The following CLCN1 variants were observed in gnomAD, a reference collection of about 807,000 sequenced individuals.
CLCN1 encodes chloride voltage-gated channel 1, also known as chloride channel protein 1.
Under a neutral mutation model 114.5 loss-of-function variants are expected in CLCN1, and 100 were observed. That is an observed-to-expected ratio of 0.87 (90% confidence interval 0.74 to 1.03). The LOEUF is 1.03. Among genes scored for constraint, CLCN1 ranks in the 50% least tolerant of loss-of-function variants. The pLI, the probability that CLCN1 is intolerant of heterozygous loss-of-function variation, is 0.00. For missense variants in CLCN1, 1,188 were observed against 1,250.0 expected (o/e 0.95, Z 0.75); for synonymous variants, 485 against 487.1 (o/e 1.00, Z 0.06).
Position 143,347,639 on chromosome 7 carries a change from A to C in CLCN1, c.2403+690A>C, listed in dbSNP as rs1476458740. Among the ~76,000 whole-genome samples the C allele has an allele frequency of 5.0e-5, 7 of 139,098 alleles. 1 individual carries two copies. Among genetic ancestry groups the C allele is most frequent in the African/African-American group, 1.6e-4 (6 of 37,466 alleles). The allele number at this position is 139,098 out of a possible 152,430, so 91.3% of individuals were successfully genotyped here. On this transcript the variant is annotated intron_variant, in intron 20 of 22. Coordinates refer to ENST00000343257, the MANE Select transcript of CLCN1 (RefSeq NM_000083.3). ...TTGCCTCAAAAAAAAAAAAAAAAAAAAAAACTAAAATGGAGAAATCTGCTC... is the reference window on the plus strand; with the variant it reads ...TTGCCTCAAAAAAAAAAAAAAAAAACAAAACTAAAATGGAGAAATCTGCTC...
In CLCN1 at chr7:143,324,421, A is replaced by G. The variant is rs200621976; in HGVS notation, c.782A>G (p.Tyr261Cys). 1.2e-6 allele frequency: 2 copies of G among 1,611,758 alleles called. No individual in the cohort carries two copies. The highest frequency in any genetic ancestry group is 4.5e-5 in the East Asian group (2 of 44,842). The change falls in exon 7 of 23, where the codon TAC becomes TGC. Residue 261 changes from tyrosine (Y) to cysteine (C), a missense_variant. By Grantham distance (194) the Tyr-to-Cys change is radical (BLOSUM62 -2). Coordinates refer to ENST00000343257, the MANE Select transcript of CLCN1 (RefSeq NM_000083.3). This position sits in a 1 kb window ranked among gnomAD's most constrained non-coding sequence, Gnocchi z 4.6. ...CTGTCTCTCCCCTAGTAGCAGCCAT[A>G]CTACTACTCTGATATCCTGACGGTG... ...SVFCGVYEQP[Y>C]YYSDILTVGC...
intron 20 of CLCN1, among the ~76,000 whole-genome samples, chr7:143,349,485 G>A (rs939315395): frequency 9.2e-4 from 140 of 152,352 alleles, no homozygotes; most frequent in African/African-American, 3.2e-3. Context: ...ACTGAAAAGA[G>A]ATTTTAGAAA....
intron 7 of CLCN1, among the ~76,000 whole-genome samples, chr7:143,329,498 C>A (rs893761494): frequency 2.0e-5 from 3 of 152,150 alleles, no homozygotes; most frequent in South Asian, 2.1e-4. Context: ...ACCATTAGGC[C>A]ACCCTCCCCC....
chr7:143,341,981 T>C lies in CLCN1; in HGVS notation c.1635T>C (p.Ile545=). Residue 545 remains isoleucine (I), a synonymous_variant, in exon 15 of 23, where the codon ATT becomes ATC. Coordinates refer to ENST00000343257, the MANE Select transcript of CLCN1 (RefSeq NM_000083.3). ...CCCACACAGTCTCCACAGCTGTGATTTGCTTCGAATTAACGGGTCAGATTG... is the reference window on the plus strand; with the variant it reads ...CCCACACAGTCTCCACAGCTGTGATCTGCTTCGAATTAACGGGTCAGATTG... ...AVSHTVSTAV[I]CFELTGQIAH... is the part of the protein sequence containing the mutation. The C allele has an allele frequency of 6.2e-7, 1 of 1,614,212 alleles. No homozygotes were observed. The highest frequency in any genetic ancestry group is 1.1e-5 in the South Asian group (1 of 91,088).
At position 143,333,053 on chromosome 7, in the gene CLCN1, C is replaced by A. The variant is rs2016450; in HGVS notation, c.1401+180C>A. Among the ~76,000 whole-genome samples the A allele has an allele frequency of 0.29, 43,614 of 151,990 alleles. 7,524 individuals carry two copies. The highest frequency in any genetic ancestry group is 0.5 in the African/African-American group (20,598 of 41,414). ...GTGGCTCACACCTGTAATCCCACCACTTTGGCAGGCTGAGGCAGGTGGATC... is the reference window on the plus strand; with the variant it reads ...GTGGCTCACACCTGTAATCCCACCAATTTGGCAGGCTGAGGCAGGTGGATC... On this transcript the variant is annotated intron_variant, in intron 12 of 22. Transcript: ENST00000343257.
At chr7:143,318,654 G>A (rs1802350818) in intron 1 of CLCN1, among the ~76,000 whole-genome samples, 1 of 152,170 alleles carries the variant, frequency 6.6e-6, no homozygotes, top group Admixed American at 6.5e-5. Context: ...CCCTTTAAGT[G>A]TTTTCCCAGC....
intron 16 of CLCN1, among the ~76,000 whole-genome samples, chr7:143,342,857 C>T (rs1027613572): frequency 7.3e-5 from 11 of 151,632 alleles, no homozygotes; most frequent in Admixed American, 5.9e-4. Context: ...AATTAGAACC[C>T]GGGAGACGGA....
intron 1 of CLCN1, among the ~76,000 whole-genome samples, chr7:143,316,693 G>T (rs556467151): frequency 6.6e-6 from 1 of 152,298 alleles, no homozygotes; most frequent in African/African-American, 2.4e-5. Flanking sequence ...CATAACCTAC[G>T]TGGAGTGGAT....
rs934916835 is a variant in CLCN1 at position 143,346,321 on chromosome 7, T to G, written c.2284+70T>G. The G allele has an allele frequency of 2.9e-6, 3 of 1,046,838 alleles. No individual in the cohort carries two copies. The South Asian group carries it at 3.8e-5, about 13-fold the overall frequency. 64.8% of individuals were successfully genotyped at this position (1,046,838 alleles called of 1,614,324 possible). ...CTCTCTGGTCACTAGGACCTGACCT[T>G]GACCTGCATGCAATTCCTATGCGGG... On this transcript the variant is annotated intron_variant, in intron 18 of 22. Transcript: ENST00000343257.
In CLCN1 at chr7:143,351,912, G is replaced by A; in HGVS notation, c.2914G>A (p.Gly972Ser). ...AGAGGAGCTGGCCGACATCTTGCAG[G>A]GCCCCAGCCTGCGATCCACAGACGA... ...LEEELADILQ[G>S]PSLRSTDEED... Residue 972 changes from glycine to serine, a missense_variant, in exon 23 of 23, where the codon GGC becomes AGC. Coordinates refer to ENST00000343257, the MANE Select transcript of CLCN1 (RefSeq NM_000083.3). 2 of 1,613,850 alleles carry A rather than the reference G, an allele frequency of 1.2e-6. No homozygotes were observed. Among genetic ancestry groups the A allele is most frequent in the Non-Finnish European group, 1.7e-6 (2 of 1,180,036 alleles).
intron 2 of CLCN1, 101 bp downstream of exon 2, chr7:143,319,976 G>A (rs117263095): frequency 1.3e-4 from 171 of 1,287,492 alleles, no homozygotes; most frequent in Non-Finnish European, 1.8e-4. Context: ...TCCCTGCCCT[G>A]CTACAAAAAC....
At chr7:143,320,360 A>G (rs1272591249) in intron 2 of CLCN1, among the ~76,000 whole-genome samples, 2 of 152,110 alleles carry the variant, frequency 1.3e-5, no homozygotes. Flanking sequence ...ACTCCAAGAA[A>G]TGAGTTTTAG....
chr7:143,330,227 A>C (rs1489934288), intron 7 of CLCN1, among the ~76,000 whole-genome samples: 2 of 152,096 alleles, frequency 1.3e-5, no homozygotes, highest in Non-Finnish European at 2.9e-5. Context: ...AGCTCCTGCA[A>C]AGCCCCCTCC....
intron 2 of CLCN1, 81 bp from the exon 3 acceptor site, chr7:143,320,583 C>CTCTCTG: frequency 8.8e-7 from 1 of 1,132,330 alleles, no homozygotes; most frequent in Non-Finnish European, 1.3e-6. Flanking sequence ...CTCTCTCTCT[C>CTCTCTG]TCTGTCTCTA....
In CLCN1 at chr7:143,350,345, T is replaced by G; in HGVS notation, c.2404-27T>G. 1 of 1,595,574 alleles carries G rather than the reference T, an allele frequency of 6.3e-7. No homozygotes were observed. The highest frequency in any genetic ancestry group is 8.6e-7 in the Non-Finnish European group (1 of 1,164,166). On this transcript the variant is annotated intron_variant, in intron 20 of 22. Coordinates refer to ENST00000343257, the MANE Select transcript of CLCN1 (RefSeq NM_000083.3). The surrounding 1 kb of genome is among the most constrained non-coding windows in gnomAD (Gnocchi z 5.1). ...GGGGTGAAAGGAGGCTCTGTGATTT[T>G]CGTGACTTTCCTCCTCTGGCTGACA...
chr7:143,332,452 C>T lies in CLCN1; in HGVS notation c.1200C>T (p.Val400=), dbSNP rs778693500. 2 of 1,613,996 alleles carry T rather than the reference C, an allele frequency of 1.2e-6. No individual in the cohort carries two copies. The highest frequency in any genetic ancestry group is 8.5e-7 in the Non-Finnish European group (1 of 1,180,000). Residue 400 remains valine (V), a synonymous_variant, in exon 11 of 23, where the codon GTC becomes GTT. Coordinates refer to ENST00000343257, the MANE Select transcript of CLCN1 (RefSeq NM_000083.3). ...RLLYPGIVTF[V]IASFTFPPGM... ...TGTATCCTGGAATTGTTACCTTTGTCATTGCCTCATTCACCTTCCCACCAG... is the reference window on the plus strand; with the variant it reads ...TGTATCCTGGAATTGTTACCTTTGTTATTGCCTCATTCACCTTCCCACCAG...
rs1224450153 is a variant in CLCN1 at position 143,344,802 on chromosome 7, G to A, written c.1931-719G>A. Reference sequence around the variant, plus strand: ...TCTCGCTCTTGTCGCCCAGGTTGGAGTGCAGTGGTGCGATCTCAGCTCACT... The same window carrying A: ...TCTCGCTCTTGTCGCCCAGGTTGGAATGCAGTGGTGCGATCTCAGCTCACT... On this transcript the variant is annotated intron_variant, in intron 16 of 22. Transcript: ENST00000343257. Among the ~76,000 whole-genome samples the A allele has an allele frequency of 2.7e-5, 4 of 147,934 alleles. No individual in the cohort carries two copies. The South Asian group carries it at 8.6e-4, about 32-fold the overall frequency.
At chr7:143,329,935 T>C (rs1209729634) in intron 7 of CLCN1, among the ~76,000 whole-genome samples, 1 of 152,160 alleles carries the variant, frequency 6.6e-6, no homozygotes, top group Non-Finnish European at 1.5e-5. Flanking sequence ...TCACTCGCAT[T>C]CCTTACTTTG....
chr7:143,326,344 A>G (rs984742360), intron 7 of CLCN1, among the ~76,000 whole-genome samples: 7 of 152,052 alleles, frequency 4.6e-5, no homozygotes, highest in African/African-American at 1.7e-4. Context: ...TGAGGTATTC[A>G]TTATGGAGTC....
Sources: allele counts gnomAD v4.1 joint callset (sites outside exome capture counted in the v4.1 genomes callset), GRCh38; gene constraint gnomAD v4.1.1; non-coding constraint Gnocchi (gnomAD v3.1); transcripts MANE v1.5; gene names NCBI Gene and HGNC (gene_info 2026-07-23, HGNC 2026-07-21).